The following ADAMTSL1 variants were observed in gnomAD, a reference collection of about 807,000 sequenced individuals.
ADAMTSL1 encodes the protein ADAMTS like 1, also known as ADAMTS-like protein 1.
Under a neutral mutation model 201.8 loss-of-function variants are expected in ADAMTSL1, and 126 were observed. The ratio of observed to expected loss-of-function variants is 0.62; its 90% CI spans 0.54 to 0.72. The LOEUF (loss-of-function observed/expected upper bound fraction) is 0.72. Among genes scored for constraint, ADAMTSL1 ranks in the 30% least tolerant of loss-of-function variants. ADAMTSL1 has a pLI of 0.00. For missense variants in ADAMTSL1, 2,679 were observed against 2,277.8 expected (o/e 1.18, Z -3.59); for synonymous variants, 1,121 against 903.4 (o/e 1.24, Z -4.32).
At chr9:18,000,603 C>T (rs1819571872) in intron 1 of ADAMTSL1, among the ~76,000 whole-genome samples, 1 of 152,044 alleles carries the variant, frequency 6.6e-6, no homozygotes, top group East Asian at 1.9e-4. Flanking sequence ...TTGGGAAAAA[C>T]CTCCTTTGAC....
At chr9:18,146,139 A>G (rs988180705) in intron 1 of ADAMTSL1, among the ~76,000 whole-genome samples, 1 of 152,162 alleles carries the variant, frequency 6.6e-6, no homozygotes, top group Non-Finnish European at 1.5e-5. Context: ...GGAATCAAAA[A>G]TACACCAGGT....
intron 2 of ADAMTSL1, among the ~76,000 whole-genome samples, chr9:18,377,705 T>A (rs1837362318): frequency 6.6e-6 from 1 of 152,140 alleles, no homozygotes; most frequent in South Asian, 2.1e-4. Context: ...TAGCTGGGAA[T>A]ACAGTCGCGT....
chr9:18,286,185 T>C (rs1419109346), intron 2 of ADAMTSL1, among the ~76,000 whole-genome samples: 2 of 152,200 alleles, frequency 1.3e-5, no homozygotes, highest in Admixed American at 6.5e-5. Context: ...CTTTTCCATC[T>C]ATGTGTGAAA....
chr9:17,927,995 CTTTTTTT>C (rs71333019), intron 1 of ADAMTSL1, among the ~76,000 whole-genome samples: 2 of 149,624 alleles, frequency 1.3e-5, no homozygotes, highest in Non-Finnish European at 1.5e-5. Context: ...TTCTTTCTTT[CTTTTTTT>C]TTTTTTTTTT....
chr9:18,241,570 C>T, intron 2 of ADAMTSL1, among the ~76,000 whole-genome samples: 1 of 151,954 alleles, frequency 6.6e-6, no homozygotes, highest in East Asian at 1.9e-4. Flanking sequence ...ATTTGTATTG[C>T]ACATGTTTAA....
intron 1 of ADAMTSL1, among the ~76,000 whole-genome samples, chr9:18,495,131 A>G (rs1822469824): frequency 6.6e-6 from 1 of 152,244 alleles, no homozygotes; most frequent in South Asian, 2.1e-4. Context: ...CTGATTAATT[A>G]TAAATGATGT....
chr9:18,567,576 A>G (rs1279044079), intron 3 of ADAMTSL1, among the ~76,000 whole-genome samples: 9 of 152,148 alleles, frequency 5.9e-5, no homozygotes, highest in Admixed American at 5.2e-4. Flanking sequence ...TCAGGTTTGG[A>G]CATGATGAGT....
At chr9:18,259,542 T>A (rs1361971512) in intron 2 of ADAMTSL1, among the ~76,000 whole-genome samples, 1 of 151,922 alleles carries the variant, frequency 6.6e-6, no homozygotes, top group Non-Finnish European at 1.5e-5. Flanking sequence ...TATCCTTATG[T>A]AGCATCACAA....
intron 1 of ADAMTSL1, among the ~76,000 whole-genome samples, chr9:17,972,358 C>T (rs10963363): frequency 0.8 from 103,135 of 128,868 alleles, 41,945 homozygotes; most frequent in East Asian, 0.92. Flanking sequence ...GTTCCCCTTC[C>T]TGTGTCCATG....
intron 15 of ADAMTSL1, chr9:18,723,374 G>A (rs1587986868): frequency 2.3e-6 from 1 of 439,028 alleles, no homozygotes; most frequent in East Asian, 4.6e-5. Flanking sequence ...AAATGCTGAG[G>A]CAGTGCCGAG....
intron 10 of ADAMTSL1, 143 bp from the exon 11 acceptor site, chr9:18,680,169 A>C: frequency 1.3e-6 from 1 of 750,104 alleles, no homozygotes; most frequent in Non-Finnish European, 2.1e-6. Context: ...GGTTTCAGGC[A>C]ATAGATGGCT....
At chr9:17,981,864 G>T (rs1008111377) in intron 1 of ADAMTSL1, among the ~76,000 whole-genome samples, 1 of 152,158 alleles carries the variant, frequency 6.6e-6, no homozygotes, top group African/African-American at 2.4e-5. Flanking sequence ...GGTTGCCCTT[G>T]TCACTAGGAT....
intron 2 of ADAMTSL1, among the ~76,000 whole-genome samples, chr9:18,448,444 G>T (rs1222061520): frequency 6.6e-6 from 1 of 152,072 alleles, no homozygotes; most frequent in African/African-American, 2.4e-5. Flanking sequence ...GAATTATAAA[G>T]GTCATGACCT....
intron 2 of ADAMTSL1, among the ~76,000 whole-genome samples, chr9:18,169,019 A>G (rs980811190): frequency 2.8e-5 from 4 of 143,876 alleles, no homozygotes; most frequent in African/African-American, 1.0e-4. Flanking sequence ...TAGATTCTGG[A>G]TATTAGCCCT....
At chr9:18,737,628 A>C (rs1369042212) in intron 15 of ADAMTSL1, among the ~76,000 whole-genome samples, 1 of 152,230 alleles carries the variant, frequency 6.6e-6, no homozygotes, top group East Asian at 1.9e-4. Context: ...GTTTAGCTGA[A>C]AGATGTGTCT....
intron 2 of ADAMTSL1, among the ~76,000 whole-genome samples, chr9:18,407,311 T>C (rs1818246895): frequency 6.6e-6 from 1 of 152,156 alleles, no homozygotes; most frequent in Non-Finnish European, 1.5e-5. Flanking sequence ...AGAAATAGAA[T>C]GTGTGCAGAC....
At chr9:18,131,481 T>C (rs1353812514) in intron 1 of ADAMTSL1, among the ~76,000 whole-genome samples, 2 of 152,192 alleles carry the variant, frequency 1.3e-5, no homozygotes, top group African/African-American at 4.8e-5. Context: ...TAGTCTCGTA[T>C]GATGAGGGCA....
intron 1 of ADAMTSL1, among the ~76,000 whole-genome samples, chr9:18,062,225 G>GA (rs1822488613): frequency 2.0e-5 from 3 of 152,268 alleles, no homozygotes; most frequent in South Asian, 4.1e-4. Flanking sequence ...TCTTCTGATT[G>GA]AAAAATGTCA....
chr9:18,348,105 T>A (rs1835804221), intron 2 of ADAMTSL1, among the ~76,000 whole-genome samples: 2 of 152,224 alleles, frequency 1.3e-5, no homozygotes, highest in Admixed American at 1.3e-4. Context: ...CAATTGTAGA[T>A]TTAAATTTAG....
Sources: allele counts gnomAD v4.1 joint callset (sites outside exome capture counted in the v4.1 genomes callset), GRCh38; gene constraint gnomAD v4.1.1; transcripts MANE v1.5; gene names NCBI Gene and HGNC (gene_info 2026-07-23, HGNC 2026-07-21).